The following KIAA2012 variants were observed in gnomAD, a reference collection of about 807,000 sequenced individuals.
KIAA2012 encodes uncharacterized protein KIAA2012.
A neutral mutation model predicts 150.6 loss-of-function variants in KIAA2012; 125 were observed. The ratio of observed to expected loss-of-function variants is 0.83; its 90% CI spans 0.72 to 0.96. The LOEUF (loss-of-function observed/expected upper bound fraction) is 0.96, where lower values mean the gene tolerates loss of function less well. KIAA2012 is among the 40% of genes least tolerant of loss of function. The probability of loss-of-function intolerance (pLI) is 0.00; values close to 1 mark genes in which losing one functional copy is unlikely to be tolerated. For synonymous variants in KIAA2012, 462 were observed against 504.7 expected, an observed-to-expected ratio of 0.92 and a Z score of 1.13; for missense variants, 1,219 against 1,354.9, an observed-to-expected ratio of 0.90 and a Z score of 1.57.
intron 7 of KIAA2012, among the ~76,000 whole-genome samples, chr2:202,101,904 C>CT (rs945499979): frequency 6.6e-6 from 1 of 151,538 alleles, no homozygotes; most frequent in South Asian, 2.1e-4. Flanking sequence ...TGCTTCTGAT[C>CT]TTTTTTTTTC....
At chr2:202,140,170 A>G (rs562586850) in intron 13 of KIAA2012, among the ~76,000 whole-genome samples, 4 of 152,104 alleles carry the variant, frequency 2.6e-5, no homozygotes, top group East Asian at 1.9e-4. Flanking sequence ...GGAGGTTGCA[A>G]TGAGCCAAGA....
At chr2:202,162,170 T>G (rs926632890) in intron 14 of KIAA2012, among the ~76,000 whole-genome samples, 1 of 152,170 alleles carries the variant, frequency 6.6e-6, no homozygotes, top group Non-Finnish European at 1.5e-5. Flanking sequence ...CTTCCTAGAA[T>G]GTATAATGCA....
chr2:202,183,725 C>T (rs1692170466), intron 15 of KIAA2012, among the ~76,000 whole-genome samples: 1 of 152,098 alleles, frequency 6.6e-6, no homozygotes, highest in Non-Finnish European at 1.5e-5. Flanking sequence ...AGGCTGGTCT[C>T]CAACTCCCGA....
In KIAA2012 at chr2:202,073,417, T is replaced by C; in HGVS notation, c.-211T>C. 1 of 493,738 alleles carries C rather than the reference T, an allele frequency of 2.0e-6. No homozygotes were observed. The highest frequency in any genetic ancestry group is 3.6e-6 in the Non-Finnish European group (1 of 276,126). The allele number at this position is 493,738 out of a possible 1,614,324, so 30.6% of individuals were successfully genotyped here. On this transcript the variant is annotated 5_prime_UTR_variant, in exon 1 of 24. Transcript: ENST00000498697. ...AGGAGGCTGGCTGTGCGGTTTATTT[T>C]TTCTCTCCACAAAGACACACACTGT...
chr2:202,194,382 C>T lies in KIAA2012; in HGVS notation c.3187+20C>T, dbSNP rs1353685709. ...GGGCCGGTGAGGGGGTTCTTGAGCT[C>T]TTTGCATCTCTCTTCTACTTGGGGC... On this transcript the variant is annotated intron_variant, in intron 21 of 23. Coordinates refer to ENST00000498697, the MANE Select transcript of KIAA2012 (RefSeq NM_001277372.4). The T allele has an allele frequency of 6.5e-7, 1 of 1,548,568 alleles. No individual in the cohort carries two copies. The highest frequency in any genetic ancestry group is 8.7e-7 in the Non-Finnish European group (1 of 1,146,716).
chr2:202,201,683 G>A, intron 22 of KIAA2012: 1 of 1,609,314 alleles, frequency 6.2e-7, no homozygotes, highest in East Asian at 2.2e-5. Context: ...GATACAGAGA[G>A]GCTCCAGGAA....
chr2:202,122,395 A>G (rs1282791961), intron 11 of KIAA2012, among the ~76,000 whole-genome samples: 1 of 152,206 alleles, frequency 6.6e-6, no homozygotes, highest in Non-Finnish European at 1.5e-5. Flanking sequence ...GAGCATCTCA[A>G]CCAGCACTCT....
At position 202,154,831 on chromosome 2, in the gene KIAA2012, C is replaced by T. The variant is rs548863614; in HGVS notation, c.2046+21C>T. 3.3e-4 allele frequency: 505 copies of T among 1,537,626 alleles called. 1 individual carries two copies. The South Asian group carries it at 4.4e-3, about 13-fold the overall frequency. On this transcript the variant is annotated intron_variant, in intron 14 of 23. Coordinates refer to ENST00000498697, the MANE Select transcript of KIAA2012 (RefSeq NM_001277372.4). The stretch of plus-strand genomic sequence containing the variant: ...TGAAGGTGATCTCACACTGAGAAGA[C>T]GAGGGGTTTTATAGACACAAACACA...
intron 11 of KIAA2012, among the ~76,000 whole-genome samples, chr2:202,123,275 C>T (rs1048705099): frequency 7.2e-5 from 11 of 152,300 alleles, no homozygotes; most frequent in Admixed American, 3.9e-4. Context: ...TTTTAGCCTC[C>T]TTTTCCCTTT....
intron 2 of KIAA2012, among the ~76,000 whole-genome samples, chr2:202,075,646 C>A (rs968857273): frequency 1.1e-4 from 16 of 152,164 alleles, no homozygotes; most frequent in African/African-American, 3.9e-4. Flanking sequence ...ATGACTTTTT[C>A]CATCCTGAAT....
chr2:202,077,196 C>G (rs2105907256), intron 2 of KIAA2012: 2 of 371,532 alleles, frequency 5.4e-6, no homozygotes, highest in Admixed American at 6.8e-5. Context: ...AGCTGTTTGG[C>G]TTCTGAGGTC....
intron 3 of KIAA2012, among the ~76,000 whole-genome samples, chr2:202,091,823 A>C (rs1689732152): frequency 6.6e-6 from 1 of 152,190 alleles, no homozygotes; most frequent in Admixed American, 6.5e-5. Context: ...GACTAGAGAA[A>C]GACTGACTTT....
chr2:202,117,306 G>A (rs1182161793), intron 11 of KIAA2012, among the ~76,000 whole-genome samples: 1 of 152,214 alleles, frequency 6.6e-6, no homozygotes, highest in Admixed American at 6.5e-5. Context: ...ATCCCAGCTG[G>A]TCTGAAAACA....
At chr2:202,102,239 T>G (rs1373237860) in intron 7 of KIAA2012, among the ~76,000 whole-genome samples, 1 of 152,138 alleles carries the variant, frequency 6.6e-6, no homozygotes, top group African/African-American at 2.4e-5. Flanking sequence ...TGGACAAAGT[T>G]GCTGATTCTG....
At chr2:202,199,582 G>T (rs531336007) in intron 22 of KIAA2012, among the ~76,000 whole-genome samples, 1 of 151,940 alleles carries the variant, frequency 6.6e-6, no homozygotes, top group South Asian at 2.1e-4. Context: ...AACAGTCAAC[G>T]GTACAAACAT....
At chr2:202,140,486 A>G (rs574626372) in intron 13 of KIAA2012, among the ~76,000 whole-genome samples, 1 of 152,228 alleles carries the variant, frequency 6.6e-6, no homozygotes, top group Non-Finnish European at 1.5e-5. Context: ...AGCCCTGGAA[A>G]GAAAGGGCAT....
rs1383603391 is a variant in KIAA2012, at chr2:202,113,404, C to T, written c.1720C>T (p.Leu574Phe). The T allele has an allele frequency of 2.6e-6, 4 of 1,550,568 alleles. No homozygotes were observed. In the Admixed American group the frequency reaches 5.9e-5, roughly 23 times the overall value. Residue 574 changes from leucine to phenylalanine, a missense_variant, in exon 11 of 24, where the codon CTC becomes TTC. Leu to Phe is a conservative substitution (Grantham distance 22, BLOSUM62 0). Transcript: ENST00000498697. ...GPDGEKVCLS[L>F]PGHTQTEALP... ...AGATGGAGAAAAAGTCTGCCTGTCCCTCCCAGGGCATACCCAAACCGAGGC... is the reference window on the plus strand; with the variant it reads ...AGATGGAGAAAAAGTCTGCCTGTCCTTCCCAGGGCATACCCAAACCGAGGC...
At chr2:202,155,057 A>G (rs374061479) in intron 14 of KIAA2012, among the ~76,000 whole-genome samples, 5 of 152,300 alleles carry the variant, frequency 3.3e-5, no homozygotes, top group African/African-American at 9.6e-5. Context: ...GGGAACAGAG[A>G]GGAGAAAGAG....
chr2:202,105,904 C>T lies in KIAA2012; in HGVS notation c.1468C>T (p.Pro490Ser), dbSNP rs1449121024. The change falls in exon 9 of 24, where the codon CCT becomes TCT. Residue 490 changes from proline (P) to serine (S), a missense_variant. Transcript: ENST00000498697. ...PVDASRDTLS[P>S]QDDDAPPHDV... ...GGACGCGAGCAGGGACACACTCTCA[C>T]CTCAAGGTAGCTCCTCCCTCCCTCC... The T allele has an allele frequency of 6.4e-7, 1 of 1,550,956 alleles. No homozygotes were observed. The highest frequency in any genetic ancestry group is 8.7e-7 in the Non-Finnish European group (1 of 1,147,092).
Sources: allele counts gnomAD v4.1 joint callset (sites outside exome capture counted in the v4.1 genomes callset), GRCh38; gene constraint gnomAD v4.1.1; transcripts MANE v1.5; gene names NCBI Gene and HGNC (gene_info 2026-07-23, HGNC 2026-07-21).